Variants in CDKN2B-AS1 observed in about 807,000 individuals in gnomAD.
CDKN2B-AS1 encodes the protein CDKN2B antisense RNA 1 (non-protein coding).
intron 4 of CDKN2B-AS1, among the ~76,000 whole-genome samples, chr9:22,081,999 A>C (rs1026028584): frequency 1.3e-5 from 2 of 152,098 alleles, no homozygotes; most frequent in African/African-American, 2.4e-5. Context: ...CTGAAACCCA[A>C]GTTTTACTCC....
Position 21,996,514 on chromosome 9 carries a change from A to T in CDKN2B-AS1, n.29+1353A>T, listed in dbSNP as rs1820694285. Among the ~76,000 whole-genome samples, 1 of 152,002 alleles carries T rather than the reference A, an allele frequency of 6.6e-6. No individual in the cohort carries two copies. On this transcript the variant is annotated intron_variant and non_coding_transcript_variant, in intron 1 of 4. Coordinates refer to ENST00000650946, the Ensembl canonical transcript of CDKN2B-AS1. The surrounding 1 kb of genome is among the most constrained non-coding windows in gnomAD (Gnocchi z 5.4). The stretch of plus-strand genomic sequence containing the variant: ...AATGCTTCCCTTTTCAGGCACCCTC[A>T]TACCACCGTGATTTTTTTCTTTATA...
intron 1 of CDKN2B-AS1, among the ~76,000 whole-genome samples, chr9:22,019,206 A>G (rs1243688189): frequency 1.3e-5 from 2 of 152,226 alleles, no homozygotes; most frequent in African/African-American, 4.8e-5. Context: ...TTTTGTCTTT[A>G]TCTTAAGGAT....
intron 4 of CDKN2B-AS1, among the ~76,000 whole-genome samples, chr9:22,073,163 C>G (rs1192955826): frequency 3.3e-5 from 5 of 151,856 alleles, no homozygotes; most frequent in Non-Finnish European, 7.4e-5. Flanking sequence ...CCTAGGAAAC[C>G]AATATTTGTC....
chr9:22,105,428 G>A (rs1825624558), intron 4 of CDKN2B-AS1, among the ~76,000 whole-genome samples: 1 of 152,182 alleles, frequency 6.6e-6, no homozygotes, highest in Non-Finnish European at 1.5e-5. Flanking sequence ...AGTGTCTGCT[G>A]GGACTGCATG....
chr9:22,009,494 C>T, intron 1 of CDKN2B-AS1: 1 of 241,804 alleles, frequency 4.1e-6, no homozygotes, highest in East Asian at 6.9e-5. Flanking sequence ...GCCAGGGAGC[C>T]GCCAGGAATG....
intron 2 of CDKN2B-AS1, among the ~76,000 whole-genome samples, chr9:22,047,986 G>T (rs973249168): frequency 6.6e-6 from 1 of 150,890 alleles, no homozygotes; most frequent in Admixed American, 6.6e-5. Context: ...GTAGAGATGG[G>T]TTTTCAACAT....
intron 4 of CDKN2B-AS1, among the ~76,000 whole-genome samples, chr9:22,110,442 A>G (rs1825776214): frequency 6.6e-6 from 1 of 152,212 alleles, no homozygotes; most frequent in Non-Finnish European, 1.5e-5. Context: ...ACAACAGTGT[A>G]CACAGATGAA....
chr9:22,119,593 A>G (rs1373285199), intron 4 of CDKN2B-AS1: 2 of 152,208 alleles, frequency 1.3e-5, no homozygotes, highest in Non-Finnish European at 2.9e-5. Flanking sequence ...TTTGTTCTCT[A>G]TTATACTGTA....
At chr9:22,116,572 C>T (rs1442775147) in intron 4 of CDKN2B-AS1, among the ~76,000 whole-genome samples, 1 of 152,064 alleles carries the variant, frequency 6.6e-6, no homozygotes, top group Non-Finnish European at 1.5e-5. Flanking sequence ...GACATTTGAC[C>T]CAAGACCTAA....
At chr9:22,002,379 T>C (rs1288041358) in intron 1 of CDKN2B-AS1, among the ~76,000 whole-genome samples, 1 of 152,034 alleles carries the variant, frequency 6.6e-6, no homozygotes, top group Non-Finnish European at 1.5e-5. Context: ...GTAAAAATTA[T>C]GCTCTATGAT....
chr9:22,029,852 A>T (rs1822396959), intron 1 of CDKN2B-AS1: 1 of 194,586 alleles, frequency 5.1e-6, no homozygotes, highest in Non-Finnish European at 1.0e-5. Context: ...TGTGTTTTCT[A>T]TTACAAAATG....
At chr9:22,068,972 C>T (rs1454820294) in intron 4 of CDKN2B-AS1, among the ~76,000 whole-genome samples, 1 of 152,190 alleles carries the variant, frequency 6.6e-6, no homozygotes, top group Non-Finnish European at 1.5e-5. Flanking sequence ...CTCGTCCTTC[C>T]TGGCAGCTAT....
intron 3 of CDKN2B-AS1, among the ~76,000 whole-genome samples, chr9:22,053,172 T>C (rs1235088826): frequency 6.6e-6 from 1 of 152,196 alleles, no homozygotes; most frequent in Admixed American, 6.5e-5. Context: ...ACAACCAGTT[T>C]GGATTATCAC....
intron 4 of CDKN2B-AS1, among the ~76,000 whole-genome samples, chr9:22,103,576 C>T (rs1214538031): frequency 1.3e-5 from 2 of 152,128 alleles, no homozygotes; most frequent in African/African-American, 4.8e-5. Context: ...TTCTAAACCT[C>T]AGCATTCTGT....
At position 22,001,301 on chromosome 9, in the gene CDKN2B-AS1, T is replaced by C. The variant is rs1371701155; in HGVS notation, n.29+6140T>C. On this transcript the variant is annotated intron_variant and non_coding_transcript_variant, in intron 1 of 4. Transcript: ENST00000650946. The surrounding 1 kb of genome is among the most constrained non-coding windows in gnomAD (Gnocchi z 4.2). ...AAATATTTTCTGTGCCAGAGCTGAC[T>C]CCATATATCTACTGGAAGTCTAATG... is the stretch of plus-strand genomic sequence containing the variant. Among the ~76,000 whole-genome samples the C allele has an allele frequency of 6.6e-6, 1 of 152,284 alleles. No homozygotes were observed. Among genetic ancestry groups the C allele is most frequent in the Non-Finnish European group, 1.5e-5 (1 of 67,978 alleles).
At chr9:22,093,874 T>G (rs1198206846) in intron 4 of CDKN2B-AS1, among the ~76,000 whole-genome samples, 1 of 144,540 alleles carries the variant, frequency 6.9e-6, no homozygotes, top group Non-Finnish European at 1.5e-5. Flanking sequence ...TGTTAGCTGG[T>G]TATTTTGCTC....
intron 1 of CDKN2B-AS1, among the ~76,000 whole-genome samples, chr9:22,038,253 C>A (rs1439152081): frequency 6.6e-6 from 1 of 151,562 alleles, no homozygotes; most frequent in Admixed American, 6.6e-5. Flanking sequence ...AAATGTGAAA[C>A]ACTGTAGGAG....
In CDKN2B-AS1 at chr9:22,006,197, G is replaced by A. The variant is rs769434878; in HGVS notation, n.29+11036G>A. 4 of 1,608,526 alleles carry A rather than the reference G, an allele frequency of 2.5e-6. No homozygotes were observed. The highest frequency in any genetic ancestry group is 2.7e-5 in the African/African-American group (2 of 74,924). On this transcript the variant is annotated intron_variant and non_coding_transcript_variant, in intron 1 of 4. Transcript: ENST00000650946. The surrounding 1 kb of genome is among the most constrained non-coding windows in gnomAD (Gnocchi z 6.4). ...CAGGGTCTGCGCAGTTGGGCTCCGC[G>A]CCGTGGAGCAGCAGCAGCTCCGCCA...
At chr9:22,093,588 TC>T (rs1563977174) in intron 4 of CDKN2B-AS1, among the ~76,000 whole-genome samples, 1 of 133,386 alleles carries the variant, frequency 7.5e-6, no homozygotes, top group African/African-American at 3.4e-5. Context: ...CTTCTTTGTC[TC>T]TTTTGATTTT....
Sources: allele counts gnomAD v4.1 joint callset (sites outside exome capture counted in the v4.1 genomes callset), GRCh38; gene constraint gnomAD v4.1.1; non-coding constraint Gnocchi (gnomAD v3.1); transcripts MANE v1.5; gene names NCBI Gene and HGNC (gene_info 2026-07-23, HGNC 2026-07-21).